BPIFB2: variants seen among roughly 807,000 people sequenced by gnomAD.
The protein encoded by BPIFB2 is BPI fold-containing family B member 2.
In BPIFB2, 39 loss-of-function variants were observed where a neutral mutation model predicts 50.1. That is an observed-to-expected ratio of 0.78 (90% CI 0.60 to 1.02). The LOEUF is 1.02. BPIFB2 is among the 50% of genes least tolerant of loss of function. BPIFB2 has a pLI of 0.00. For missense variants in BPIFB2, 574 were observed against 585.8 expected (o/e 0.98, Z 0.21); for synonymous variants, 280 against 256.3 (o/e 1.09, Z -0.88).
intron 1 of BPIFB2, 87 bp from the exon 2 acceptor site, chr20:33,008,454 C>A: frequency 2.8e-6 from 2 of 706,714 alleles, no homozygotes; most frequent in Non-Finnish European, 4.6e-6. Context: ...CCAGTCAGGG[C>A]TTGTTCCCTC....
chr20:33,023,053 C>T (rs537766056), intron 15 of BPIFB2, among the ~76,000 whole-genome samples: 2 of 152,180 alleles, frequency 1.3e-5, no homozygotes, highest in Non-Finnish European at 2.9e-5. Context: ...AGAAGATGCT[C>T]CATGGTTCTG....
At position 33,019,669 on chromosome 20, in the gene BPIFB2, C is replaced by A. The variant is rs1475336122; in HGVS notation, c.999C>A (p.Ala333=). 6 of 1,612,898 alleles carry A rather than the reference C, an allele frequency of 3.7e-6. No individual in the cohort carries two copies. Among genetic ancestry groups the A allele is most frequent in the Non-Finnish European group, 5.1e-6 (6 of 1,179,566 alleles). ...TGGCCATGCTCCACACAAACAACGC[C>A]ACCCTGCGGCTGCAGCCCTTCGTGG... ...TPVAMLHTNN[A]TLRLQPFVEV... is the part of the protein sequence containing the mutation. The change falls in exon 11 of 16, where the codon GCC becomes GCA. Residue 333 remains alanine (A), a synonymous_variant. Coordinates refer to ENST00000170150, the MANE Select transcript of BPIFB2 (RefSeq NM_025227.3).
Position 33,018,618 on chromosome 20 carries a change from C to A in BPIFB2, c.670-19C>A, listed in dbSNP as rs377669667. On this transcript the variant is annotated intron_variant, in intron 8 of 15. Transcript: ENST00000170150. ...AGGCCCTGCTGCTTTTCTCCCACTT[C>A]CCCCTCCCACCCCTACAGGCTGTTC... 4.4e-6 allele frequency: 7 copies of A among 1,584,470 alleles called. No individual in the cohort carries two copies. The highest frequency in any genetic ancestry group is 6.0e-6 in the Non-Finnish European group (7 of 1,163,328).
At position 33,020,322 on chromosome 20, in the gene BPIFB2, G is replaced by A; in HGVS notation, c.1081-6G>A. ...CCCTCTGACCCTGCTCTCCCCATGT[G>A]CCCAGGTAGTGAACTTGAGACTCCA... On this transcript the variant is annotated splice_region_variant and splice_polypyrimidine_tract_variant and intron_variant, in intron 11 of 15. Transcript: ENST00000170150. The A allele has an allele frequency of 2.5e-6, 4 of 1,614,026 alleles. No homozygotes were observed. The South Asian group carries it at 4.4e-5, about 18-fold the overall frequency.
chr20:33,015,631 C>A, intron 6 of BPIFB2, 135 bp downstream of exon 6: 9 of 792,672 alleles, frequency 1.1e-5, no homozygotes, highest in Non-Finnish European at 1.5e-5. Context: ...CTTCATGGTC[C>A]CCATGAAGGC....
rs772949676 is a variant in BPIFB2, at chr20:33,008,552, T to C, written c.-23T>C. On this transcript the variant is annotated 5_prime_UTR_variant, in exon 2 of 16. Transcript: ENST00000170150. ...CATTTCTACCCCAGCCCACAGATCC[T>C]GTGGGCAGCGGCCAGGGCAGCCATG... The C allele has an allele frequency of 9.0e-6, 14 of 1,558,424 alleles. No individual in the cohort carries two copies. The Admixed American group carries it at 2.6e-4, about 29-fold the overall frequency.
In BPIFB2 at chr20:33,019,692, T is replaced by G; in HGVS notation, c.1022T>G (p.Val341Gly). 1 of 1,612,568 alleles carries G rather than the reference T, an allele frequency of 6.2e-7. No individual in the cohort carries two copies. Among genetic ancestry groups the G allele is most frequent in the African/African-American group, 1.3e-5 (1 of 75,040 alleles). ...GCCACCCTGCGGCTGCAGCCCTTCG[T>G]GGAGGTCCTGGCCACAGCCTCCAAC... ...NNATLRLQPF[V>G]EVLATASNSA... The change falls in exon 11 of 16, where the codon GTG becomes GGG. Residue 341 changes from valine (V) to glycine (G), a missense_variant. Val to Gly is a moderately radical substitution (Grantham distance 109). Transcript: ENST00000170150.
At position 33,012,855 on chromosome 20, in the gene BPIFB2, G is replaced by C. The variant is rs753671848; in HGVS notation, c.256G>C (p.Gly86Arg). 37 of 1,613,984 alleles carry C rather than the reference G, an allele frequency of 2.3e-5. No individual in the cohort carries two copies. Among genetic ancestry groups the C allele is most frequent in the Non-Finnish European group, 3.1e-5 (37 of 1,180,018 alleles). Residue 86 changes from glycine to arginine, a missense_variant, in exon 4 of 16, where the codon GGT (glycine) becomes CGT (arginine). Coordinates refer to ENST00000170150, the MANE Select transcript of BPIFB2 (RefSeq NM_025227.3). Reference protein sequence around the residue: ...VPRLHLKFIAGFGVRLLAAAN... With the variant: ...VPRLHLKFIARFGVRLLAAAN... ...CCGCCTCCACCTGAAATTCATTGCTGGTTTCGGAGTGCGCCTGCTGGCAGC... is the reference window on the plus strand; with the variant it reads ...CCGCCTCCACCTGAAATTCATTGCTCGTTTCGGAGTGCGCCTGCTGGCAGC...
At chr20:33,011,549 A>C (rs2146349494) in intron 3 of BPIFB2, among the ~76,000 whole-genome samples, 1 of 152,344 alleles carries the variant, frequency 6.6e-6, no homozygotes, top group Admixed American at 6.5e-5. Flanking sequence ...GAGCATCCCA[A>C]ACTTAGACAC....
In BPIFB2 at chr20:33,013,826, G is replaced by A; in HGVS notation, c.325G>A (p.Glu109Lys). ...FKVFRAPEPL[E>K]LTLPVELLAD... ...TCCCTACAGCGCCCCAGAGCCCCTG[G>A]AGCTGACGCTGCCTGTGGAACTGCT... The change falls in exon 5 of 16, where the codon GAG (glutamate) becomes AAG (lysine). Residue 109 changes from glutamate to lysine, a missense_variant. Physicochemically the swap from Glu to Lys is moderately conservative, Grantham distance 56. Coordinates refer to ENST00000170150, the MANE Select transcript of BPIFB2 (RefSeq NM_025227.3). 6.2e-7 allele frequency: 1 copy of A among 1,613,634 alleles called. No individual in the cohort carries two copies.
At chr20:33,020,614 A>T in intron 13 of BPIFB2, 27 bp downstream of exon 13, 1 of 1,585,844 alleles carries the variant, frequency 6.3e-7, no homozygotes, top group Non-Finnish European at 8.6e-7. Context: ...GGCCTCTAGA[A>T]ACCCCCGTCC....
rs373423507 is a variant in BPIFB2 at position 33,009,832 on chromosome 20, C to T, written c.109+1149C>T. Among the ~76,000 whole-genome samples the T allele has an allele frequency of 3.3e-5, 5 of 152,252 alleles. No individual in the cohort carries two copies. The highest frequency in any genetic ancestry group is 1.3e-4 in the Admixed American group (2 of 15,286). ...AATCTGGCTGGAGGCCCACGCTGGA[C>T]GCATTGCTCCCCAGGCTGGGCTGAG... On this transcript the variant is annotated intron_variant, in intron 2 of 15. Coordinates refer to ENST00000170150, the MANE Select transcript of BPIFB2 (RefSeq NM_025227.3). This position sits in a 1 kb window ranked among gnomAD's most constrained non-coding sequence, Gnocchi z 4.2.
At chr20:33,011,628 C>T (rs1261818877) in intron 3 of BPIFB2, among the ~76,000 whole-genome samples, 11 of 152,120 alleles carry the variant, frequency 7.2e-5, no homozygotes, top group Non-Finnish European at 1.6e-4. Context: ...CTTTGGGTTT[C>T]CAAGAGAAGA....
At chr20:33,010,383 A>C (rs1990269588) in intron 2 of BPIFB2, among the ~76,000 whole-genome samples, 1 of 152,356 alleles carries the variant, frequency 6.6e-6, no homozygotes, top group Non-Finnish European at 1.5e-5. Flanking sequence ...CTATTATTAC[A>C]AAAATAAATA....
intron 6 of BPIFB2, 96 bp from the exon 7 acceptor site, chr20:33,016,946 G>A (rs1392145461): frequency 1.8e-6 from 2 of 1,127,384 alleles, no homozygotes; most frequent in East Asian, 4.8e-5. Context: ...GGGTTGGGGA[G>A]GCTTCTAGAC....
chr20:33,013,680 C>A, intron 4 of BPIFB2, 130 bp from the exon 5 acceptor site: 1 of 1,347,930 alleles, frequency 7.4e-7, no homozygotes, highest in Non-Finnish European at 1.0e-6. Flanking sequence ...CCATCTCACT[C>A]TGGGAGTGGG....
rs1182433873 is a variant in BPIFB2 at position 33,009,693 on chromosome 20, G to A, written c.109+1010G>A. ...CCATTCATGGATGCCTGCAGGTAGG[G>A]CCATGAGGCCCGCGCCCTCCGCCGC... On this transcript the variant is annotated intron_variant, in intron 2 of 15. Coordinates refer to ENST00000170150, the MANE Select transcript of BPIFB2 (RefSeq NM_025227.3). This position sits in a 1 kb window ranked among gnomAD's most constrained non-coding sequence, Gnocchi z 4.2. Among the ~76,000 whole-genome samples, 1 of 152,200 alleles carries A rather than the reference G, an allele frequency of 6.6e-6. No homozygotes were observed. Among genetic ancestry groups the A allele is most frequent in the Non-Finnish European group, 1.5e-5 (1 of 68,034 alleles).
At chr20:33,016,957 A>G (rs1444304013) in intron 6 of BPIFB2, 85 bp from the exon 7 acceptor site, 3 of 1,257,092 alleles carry the variant, frequency 2.4e-6, no homozygotes, top group African/African-American at 1.5e-5. Flanking sequence ...GCTTCTAGAC[A>G]GGGACTCTAG....
At chr20:33,019,460 C>T (rs897258694) in intron 10 of BPIFB2, 120 bp from the exon 11 acceptor site, 2 of 1,185,140 alleles carry the variant, frequency 1.7e-6, no homozygotes, top group Admixed American at 2.8e-5. Context: ...AGGGGGGACC[C>T]ACCTCTGTGC....
Sources: gnomAD v4.1 joint callset for allele counts (sites outside exome capture counted in the v4.1 genomes callset) on GRCh38, gnomAD v4.1.1 for gene constraint, Gnocchi (gnomAD v3.1) non-coding constraint, MANE v1.5 for transcripts, NCBI Gene and HGNC (gene_info 2026-07-23, HGNC 2026-07-21) for gene names.